Variants in CNTN4 observed in about 807,000 individuals in gnomAD.
CNTN4 encodes contactin-4.
CNTN4 carries 77 observed loss-of-function variants against 122.5 expected under a neutral mutation model. The ratio of observed to expected loss-of-function variants is 0.63; its 90% CI spans 0.52 to 0.76. The LOEUF is 0.76. CNTN4 is among the 30% of genes least tolerant of loss of function. The pLI is 0.00. For missense variants in CNTN4, 1,256 were observed against 1,259.1 expected, an observed-to-expected ratio of 1.00 and a Z score of 0.04; for synonymous variants, 512 against 447.0, an observed-to-expected ratio of 1.15 and a Z score of -1.83.
intron 13 of CNTN4, among the ~76,000 whole-genome samples, chr3:2,944,510 G>A (rs1420203264): frequency 6.6e-6 from 1 of 151,952 alleles, no homozygotes; most frequent in African/African-American, 2.4e-5. Context: ...GAACCATTTT[G>A]TATTTATTTT....
chr3:2,330,540 CAAAT>C (rs2043675848), intron 2 of CNTN4, among the ~76,000 whole-genome samples: 1 of 151,988 alleles, frequency 6.6e-6, no homozygotes, highest in South Asian at 2.1e-4. Flanking sequence ...AAATGAAGAC[CAAAT>C]ATATATTTCT....
chr3:3,003,953 T>C (rs1696340669), intron 14 of CNTN4, among the ~76,000 whole-genome samples: 2 of 152,008 alleles, frequency 1.3e-5, no homozygotes, highest in South Asian at 4.1e-4. Context: ...AGAGACAGGG[T>C]TTCGCCATAT....
intron 4 of CNTN4, among the ~76,000 whole-genome samples, chr3:2,609,244 C>G (rs2081382335): frequency 6.6e-6 from 1 of 152,138 alleles, no homozygotes; most frequent in Non-Finnish European, 1.5e-5. Flanking sequence ...AAGGATGTGC[C>G]CTCGTGAATG....
Position 3,019,678 on chromosome 3 carries a change from A to T in CNTN4, c.1487-6424A>T, listed in dbSNP as rs201448165. 5.0e-4 allele frequency among the ~76,000 whole-genome samples: 75 copies of T among 151,396 alleles called. No homozygotes were observed. In the East Asian group the frequency reaches 0.014, roughly 28 times the overall value. On this transcript the variant is annotated intron_variant, in intron 14 of 24. Coordinates refer to ENST00000418658, the MANE Select transcript of CNTN4 (RefSeq NM_175607.3). ...AACACCACCATATATATATATGTGT[A>T]TATATGTATATGTGTGTGTCTGTGT...
At chr3:2,133,960 T>C (rs937855481) in intron 2 of CNTN4, among the ~76,000 whole-genome samples, 3 of 152,228 alleles carry the variant, frequency 2.0e-5, no homozygotes, top group Non-Finnish European at 4.4e-5. Flanking sequence ...TTTCTCTTGT[T>C]TGACTTATTT....
intron 2 of CNTN4, among the ~76,000 whole-genome samples, chr3:2,125,894 GGTGTGTGTGTGTGTGTGTGTGTGTGT>G (rs61706367): frequency 7.0e-6 from 1 of 143,374 alleles, no homozygotes; most frequent in Non-Finnish European, 1.5e-5. Flanking sequence ...TTTTATTTCT[GGTGTGTGTGTGTGTGTGTGTGTGTGT>G]GTGTGTGTAT....
At chr3:2,159,383 T>A (rs2035860773) in intron 2 of CNTN4, among the ~76,000 whole-genome samples, 1 of 152,300 alleles carries the variant, frequency 6.6e-6, no homozygotes, top group African/African-American at 2.4e-5. Flanking sequence ...TAGGCATAAA[T>A]TATCTACTTA....
intron 10 of CNTN4, among the ~76,000 whole-genome samples, chr3:2,899,266 T>A (rs1247350715): frequency 1.3e-5 from 2 of 152,256 alleles, no homozygotes; most frequent in African/African-American, 4.8e-5. Context: ...ACAGTAGCAA[T>A]TTCCTTTTGA....
chr3:2,943,939 C>G (rs993266133), intron 13 of CNTN4, among the ~76,000 whole-genome samples: 1 of 151,984 alleles, frequency 6.6e-6, no homozygotes, highest in Admixed American at 6.6e-5. Context: ...GTTTGCAATG[C>G]TGGGAACAGA....
intron 2 of CNTN4, among the ~76,000 whole-genome samples, chr3:2,130,738 G>A (rs1335359564): frequency 6.6e-6 from 1 of 152,144 alleles, no homozygotes; most frequent in Non-Finnish European, 1.5e-5. Flanking sequence ...GAATAAACAG[G>A]TTTTTTGAAT....
chr3:2,209,182 A>G (rs534107743), intron 2 of CNTN4, among the ~76,000 whole-genome samples: 25 of 152,080 alleles, frequency 1.6e-4, no homozygotes, highest in African/African-American at 3.6e-4. Context: ...GTGGCCCACT[A>G]TTTTACAGAG....
chr3:2,513,480 TC>T (rs556883422), intron 3 of CNTN4, among the ~76,000 whole-genome samples: 1,564 of 152,250 alleles, frequency 0.01, 10 homozygotes, highest in Non-Finnish European at 0.015. Context: ...TAAATAGTGT[TC>T]TTTTGAGTTT....
rs528250135 is a variant in CNTN4, at chr3:2,385,676, C to T, written c.-89+46443C>T. Among the ~76,000 whole-genome samples the T allele has an allele frequency of 2.0e-5, 3 of 152,176 alleles. No homozygotes were observed. The South Asian group carries it at 6.2e-4, about 32-fold the overall frequency. Reference sequence around the variant, plus strand: ...AACTCCAAGCTCATCTCTCATCCTCCATCTTCACATGCTGCATTCCCTGTA... The same window carrying T: ...AACTCCAAGCTCATCTCTCATCCTCTATCTTCACATGCTGCATTCCCTGTA... On this transcript the variant is annotated intron_variant, in intron 3 of 24. Transcript: ENST00000418658. This position sits in a 1 kb window ranked among gnomAD's most constrained non-coding sequence, Gnocchi z 4.0.
At chr3:2,278,784 A>G (rs564001112) in intron 2 of CNTN4, among the ~76,000 whole-genome samples, 26 of 149,870 alleles carry the variant, frequency 1.7e-4, no homozygotes, top group Non-Finnish European at 3.5e-4. Context: ...ACACTTCATA[A>G]TATTACTGTG....
intron 2 of CNTN4, among the ~76,000 whole-genome samples, chr3:2,278,568 G>C (rs375063853): frequency 1.3e-5 from 2 of 152,218 alleles, no homozygotes; most frequent in African/African-American, 4.8e-5. Context: ...TGAAAGAGAA[G>C]TATACAGTAT....
At chr3:2,507,717 A>G (rs1445513498) in intron 3 of CNTN4, among the ~76,000 whole-genome samples, 1 of 148,002 alleles carries the variant, frequency 6.8e-6, no homozygotes, top group Non-Finnish European at 1.5e-5. Context: ...TCTGGGCCAC[A>G]GTGAGAGACT....
intron 7 of CNTN4, among the ~76,000 whole-genome samples, chr3:2,862,178 A>G (rs575948016): frequency 5.3e-5 from 8 of 152,350 alleles, no homozygotes; most frequent in Non-Finnish European, 1.2e-4. Flanking sequence ...CTTTGCCACT[A>G]CTGGGATATG....
chr3:2,694,114 G>T (rs548201836), intron 4 of CNTN4, among the ~76,000 whole-genome samples: 5 of 152,062 alleles, frequency 3.3e-5, no homozygotes, highest in African/African-American at 4.8e-5. Flanking sequence ...GCCTGTTTCT[G>T]GAATCCTCTC....
At chr3:2,225,841 A>G (rs2039260705) in intron 2 of CNTN4, among the ~76,000 whole-genome samples, 2 of 152,104 alleles carry the variant, frequency 1.3e-5, no homozygotes, top group Non-Finnish European at 2.9e-5. Context: ...GAAGGACTTG[A>G]ATCTTATGGG....
Sources: gnomAD v4.1 joint callset for allele counts (sites outside exome capture counted in the v4.1 genomes callset) on GRCh38, gnomAD v4.1.1 for gene constraint, Gnocchi (gnomAD v3.1) non-coding constraint, MANE v1.5 for transcripts, NCBI Gene and HGNC (gene_info 2026-07-23, HGNC 2026-07-21) for gene names.